KIFAP3: variants seen among roughly 807,000 people sequenced by gnomAD.
KIFAP3 encodes kinesin-associated protein 3.
KIFAP3 carries 68 observed loss-of-function variants against 106.5 expected under a neutral mutation model. That is an observed-to-expected ratio of 0.64 (90% CI 0.53 to 0.78). The LOEUF (loss-of-function observed/expected upper bound fraction) is 0.78. Among genes scored for constraint, KIFAP3 ranks in the 30% least tolerant of loss-of-function variants. The pLI, the probability that KIFAP3 is intolerant of heterozygous loss-of-function variation, is 0.00. For missense variants in KIFAP3, 780 were observed against 941.8 expected (o/e 0.83, Z 2.25); for synonymous variants, 320 against 311.5 (o/e 1.03, Z -0.29).
At chr1:170,084,672 G>C (rs975866976) in intron 1 of KIFAP3, among the ~76,000 whole-genome samples, 1 of 152,096 alleles carries the variant, frequency 6.6e-6, no homozygotes, top group African/African-American at 2.4e-5. Flanking sequence ...GGACACAAAA[G>C]TATGAAATAT....
chr1:169,965,172 C>T (rs1273563927), intron 17 of KIFAP3, among the ~76,000 whole-genome samples: 1 of 152,042 alleles, frequency 6.6e-6, no homozygotes, highest in Non-Finnish European at 1.5e-5. Context: ...ACATTAAATA[C>T]AGAACTAATT....
At chr1:170,015,402 C>G (rs1332296798) in intron 10 of KIFAP3, among the ~76,000 whole-genome samples, 1 of 152,018 alleles carries the variant, frequency 6.6e-6, no homozygotes, top group Non-Finnish European at 1.5e-5. Flanking sequence ...TTCCTTATTC[C>G]TCCTCAAATG....
chr1:169,978,250 G>A, intron 15 of KIFAP3, 67 bp from the exon 16 acceptor site: 2 of 1,041,466 alleles, frequency 1.9e-6, no homozygotes, highest in Non-Finnish European at 2.9e-6. Context: ...AATAATTGAG[G>A]GGAATAATAT....
At chr1:170,041,552 A>T in intron 3 of KIFAP3, 1 of 644,520 alleles carries the variant, frequency 1.6e-6, no homozygotes, top group Non-Finnish European at 2.7e-6. Context: ...CCTCGTAGGC[A>T]TCTGCCTGTG....
At chr1:169,955,903 A>G (rs920187596) in intron 18 of KIFAP3, among the ~76,000 whole-genome samples, 5 of 152,170 alleles carry the variant, frequency 3.3e-5, no homozygotes, top group African/African-American at 1.2e-4. Flanking sequence ...AATCATGGAA[A>G]ATGACAAGAC....
chr1:170,058,229 A>T (rs1220044175), intron 1 of KIFAP3, among the ~76,000 whole-genome samples: 2 of 152,188 alleles, frequency 1.3e-5, no homozygotes, highest in African/African-American at 4.8e-5. Context: ...GCAGTCCTTA[A>T]CTTTTCATTA....
chr1:170,052,671 C>T (rs1012612858), intron 2 of KIFAP3, among the ~76,000 whole-genome samples: 18 of 152,076 alleles, frequency 1.2e-4, no homozygotes, highest in Admixed American at 2.6e-4. Flanking sequence ...ATCCCTGGGA[C>T]GCAAGGCTGG....
intron 2 of KIFAP3, among the ~76,000 whole-genome samples, chr1:170,048,108 C>T (rs12135436): frequency 0.063 from 9,658 of 152,200 alleles, 391 homozygotes; most frequent in Non-Finnish European, 0.095. Flanking sequence ...CTCCCGAAAC[C>T]ATTCCAGCAG....
At position 169,923,024 on chromosome 1, in the gene KIFAP3, T is replaced by C. The variant is rs1489986864; in HGVS notation, c.2274-1243A>G. 3.3e-6 allele frequency: 3 copies of C among 898,382 alleles called. No individual in the cohort carries two copies. The African/African-American group carries it at 5.4e-5, about 16-fold the overall frequency. 55.7% of individuals were successfully genotyped at this position (898,382 alleles called of 1,614,324 possible). ...GTGCTTGTGTGTATTAAGATGGAAC[T>C]AAAGAGTAAATGTAAAGAGCCAAAA... On this transcript the variant is annotated intron_variant, in intron 19 of 19. Transcript: ENST00000361580.
chr1:169,948,519 T>C (rs576365058), intron 19 of KIFAP3, among the ~76,000 whole-genome samples: 120 of 152,128 alleles, frequency 7.9e-4, no homozygotes, highest in African/African-American at 2.7e-3. Context: ...AGGTTAGTTC[T>C]TACAATGCTG....
intron 16 of KIFAP3, among the ~76,000 whole-genome samples, chr1:169,974,332 T>C (rs1666102300): frequency 6.6e-6 from 1 of 151,978 alleles, no homozygotes; most frequent in Non-Finnish European, 1.5e-5. Flanking sequence ...CTCTAGCACA[T>C]GTACACAAGT....
At chr1:170,017,621 C>T (rs976909064) in intron 9 of KIFAP3, among the ~76,000 whole-genome samples, 1 of 152,190 alleles carries the variant, frequency 6.6e-6, no homozygotes, top group Non-Finnish European at 1.5e-5. Flanking sequence ...GCTTTTAATG[C>T]TGTACTAAGA....
intron 18 of KIFAP3, among the ~76,000 whole-genome samples, chr1:169,956,743 A>G (rs1665034898): frequency 6.6e-6 from 1 of 151,808 alleles, no homozygotes; most frequent in South Asian, 2.1e-4. Context: ...CTGGGACTAC[A>G]GGGATGTGTA....
chr1:170,013,217 C>G (rs917100064), intron 10 of KIFAP3, among the ~76,000 whole-genome samples: 1 of 151,804 alleles, frequency 6.6e-6, no homozygotes, highest in African/African-American at 2.4e-5. Context: ...TATAAGTCAC[C>G]CAGTCTATTC....
intron 19 of KIFAP3, among the ~76,000 whole-genome samples, chr1:169,932,193 G>A (rs1663526094): frequency 6.6e-6 from 1 of 152,126 alleles, no homozygotes; most frequent in African/African-American, 2.4e-5. Flanking sequence ...TATACTGTTT[G>A]GGGAACTAGA....
At chr1:170,025,556 T>C (rs1473218238) in intron 8 of KIFAP3, among the ~76,000 whole-genome samples, 1 of 152,194 alleles carries the variant, frequency 6.6e-6, no homozygotes, top group Non-Finnish European at 1.5e-5. Context: ...ATCACACTTA[T>C]TAAGTACCTA....
intron 17 of KIFAP3, among the ~76,000 whole-genome samples, chr1:169,967,587 A>G (rs920572473): frequency 2.0e-5 from 3 of 151,860 alleles, no homozygotes; most frequent in Non-Finnish European, 4.4e-5. Context: ...GCAACCTTCT[A>G]AAGGTATTCT....
chr1:169,933,328 T>C (rs1663596945), intron 19 of KIFAP3, among the ~76,000 whole-genome samples: 1 of 152,074 alleles, frequency 6.6e-6, no homozygotes, highest in African/African-American at 2.4e-5. Context: ...CTCAGAATAC[T>C]GTATAATATA....
intron 1 of KIFAP3, among the ~76,000 whole-genome samples, chr1:170,062,740 T>C (rs1671248107): frequency 6.6e-6 from 1 of 152,158 alleles, no homozygotes. Context: ...GGAACCAGTA[T>C]GTACCTACTA....
Sources: gnomAD v4.1 joint callset for allele counts (sites outside exome capture counted in the v4.1 genomes callset) on GRCh38, gnomAD v4.1.1 for gene constraint, MANE v1.5 for transcripts, NCBI Gene and HGNC (gene_info 2026-07-23, HGNC 2026-07-21) for gene names.